Variants in CRYZ observed in about 807,000 individuals in gnomAD.
The protein encoded by CRYZ is zeta-crystallin.
Under a neutral mutation model 34.1 loss-of-function variants are expected in CRYZ, and 35 were observed. The observed-to-expected ratio is 1.03, with a 90% confidence interval of 0.78 to 1.36. CRYZ has a LOEUF of 1.36. Ranked by LOEUF, CRYZ falls within the 40% of genes most tolerant of loss-of-function variation. CRYZ has a pLI of 0.00. For synonymous variants in CRYZ, 137 were observed against 136.5 expected (o/e 1.00, Z -0.03); for missense variants, 403 against 391.8 (o/e 1.03, Z -0.24).
intron 6 of CRYZ, chr1:74,708,681 T>G (rs968732219): frequency 6.6e-6 from 1 of 151,990 alleles, no homozygotes; most frequent in African/African-American, 2.4e-5. Context: ...GGCGACCAGA[T>G]GAGTAGCAAT....
In CRYZ at chr1:74,719,211, G is replaced by A. The variant is rs750648473; in HGVS notation, c.426C>T (p.His142=). The A allele has an allele frequency of 5.6e-6, 9 of 1,613,444 alleles. No homozygotes were observed. The Admixed American group carries it at 1.3e-4, about 24-fold the overall frequency. Residue 142 remains histidine, a splice_region_variant and synonymous_variant, in exon 4 of 9, where the codon CAC becomes CAT. Coordinates refer to ENST00000340866, the MANE Select transcript of CRYZ (RefSeq NM_001889.4). ...AAATTGACAGAATGTGTTATTACCT[G>A]TGGATCAGAGCTCGATAAGCAGTAA... The part of the protein sequence containing the change: ...PYFTAYRALI[H]SACVKAGESV...
At chr1:74,706,560 T>G (rs1646932311) in intron 8 of CRYZ, 103 bp from the exon 9 acceptor site, 2 of 1,078,878 alleles carry the variant, frequency 1.9e-6, no homozygotes, top group Admixed American at 5.7e-5. Context: ...CCATGAAGAG[T>G]CTCTTACAAA....
intron 6 of CRYZ, among the ~76,000 whole-genome samples, chr1:74,709,733 T>C (rs906080197): frequency 6.6e-6 from 1 of 152,242 alleles, no homozygotes; most frequent in Admixed American, 6.5e-5. Context: ...TTTACAGATA[T>C]CTCACCTTCC....
chr1:74,723,130 T>G lies in CRYZ; in HGVS notation c.252A>C (p.Ala84=), dbSNP rs773365510. The stretch of plus-strand genomic sequence containing the variant: ...AAAAATGCAATACCTTGAAAGCAGA[T>G]GCATTATCTCCAACAGCTTCTATCA... ...AGVIEAVGDN[A]SAFKKGDRVF... is the part of the protein sequence containing the mutation. Residue 84 remains alanine (A), a synonymous_variant, in exon 3 of 9, where the codon GCA becomes GCC. Transcript: ENST00000340866. The G allele has an allele frequency of 1.7e-5, 28 of 1,610,892 alleles. No individual in the cohort carries two copies. Among genetic ancestry groups the G allele is most frequent in the Non-Finnish European group, 2.3e-5 (27 of 1,179,306 alleles).
At chr1:74,708,366 AAC>A (rs1331754910) in intron 6 of CRYZ, 9 of 151,992 alleles carry the variant, frequency 5.9e-5, no homozygotes, top group African/African-American at 2.2e-4. Flanking sequence ...TGCAGTAGGG[AAC>A]AGAGAGACAA....
intron 1 of CRYZ, among the ~76,000 whole-genome samples, chr1:74,730,090 ATAAAAG>A (rs1411572639): frequency 6.6e-6 from 1 of 152,196 alleles, no homozygotes; most frequent in Non-Finnish European, 1.5e-5. Flanking sequence ...TGTTGTAATA[ATAAAAG>A]TAAAATTACT....
chr1:74,713,203 T>TA lies in CRYZ; in HGVS notation c.480+1375dup, dbSNP rs796721957. ...TCAGAGAACAGTGTGGATTTTACCT[T>TA]AAAAAAAAATCATGGTGAAGCAACT... is the stretch of plus-strand genomic sequence containing the variant. On this transcript the variant is annotated intron_variant, in intron 5 of 8. Transcript: ENST00000340866. Among the ~76,000 whole-genome samples the TA allele has an allele frequency of 1.6e-3, 236 of 151,386 alleles. 2 individuals carry two copies. Among genetic ancestry groups the TA allele is most frequent in the African/African-American group, 5.1e-3 (209 of 41,268 alleles).
chr1:74,719,234 TA>T lies in CRYZ; in HGVS notation c.402del (p.Phe134LeufsTer7), dbSNP rs1221845740. ...CTGTGGATCAGAGCTCGATAAGCAG[TA>T]AAATATGGAATGCCGATGGCAGCTC... is the stretch of plus-strand genomic sequence containing the variant. The part of the protein sequence containing the change: ...KQGAAIGIPY[F>X]TAYRALIHSA... On this transcript the variant is annotated frameshift_variant, in exon 4 of 9. Transcript: ENST00000340866. LOFTEE classifies it high-confidence loss of function. 1.2e-6 allele frequency: 2 copies of T among 1,613,830 alleles called. No individual in the cohort carries two copies. The highest frequency in any genetic ancestry group is 1.7e-6 in the Non-Finnish European group (2 of 1,179,780).
At chr1:74,713,760 T>A (rs1040440088) in intron 5 of CRYZ, among the ~76,000 whole-genome samples, 2 of 152,198 alleles carry the variant, frequency 1.3e-5, no homozygotes, top group East Asian at 1.9e-4. Flanking sequence ...TCTGAAATGG[T>A]TAACAGCCTC....
At chr1:74,711,939 T>C (rs1287247119) in intron 5 of CRYZ, among the ~76,000 whole-genome samples, 1 of 151,994 alleles carries the variant, frequency 6.6e-6, no homozygotes. Context: ...AGGTGGAACA[T>C]GGTGGCTCAT....
Position 74,706,317 on chromosome 1 carries a change from T to A in CRYZ, c.969A>T (p.Gly323=), listed in dbSNP as rs7527057. ...ATCATCATAAGAGAAGAATCATTTT[T>A]CCAGTAGCCCCACTACCATGAATGA... The part of the protein sequence containing the change: ...ENIIHGSGAT[G]KMILLL Residue 323 remains glycine (G), a synonymous_variant, in exon 9 of 9, where the codon GGA becomes GGT. Coordinates refer to ENST00000340866, the MANE Select transcript of CRYZ (RefSeq NM_001889.4). The A allele has an allele frequency of 0.42, 672,590 of 1,600,874 alleles. 151,852 individuals carry two copies. The highest frequency in any genetic ancestry group is 0.47 in the Non-Finnish European group (555,934 of 1,174,548).
At chr1:74,727,711 A>C (rs1403025323) in intron 1 of CRYZ, among the ~76,000 whole-genome samples, 3 of 151,366 alleles carry the variant, frequency 2.0e-5, no homozygotes, top group Non-Finnish European at 4.4e-5. Flanking sequence ...AATAGCATGC[A>C]AAAGACCTGA....
At chr1:74,715,300 T>C (rs998946467) in intron 4 of CRYZ, among the ~76,000 whole-genome samples, 1 of 152,194 alleles carries the variant, frequency 6.6e-6, no homozygotes, top group Non-Finnish European at 1.5e-5. Context: ...ACTACTTTTC[T>C]AGTATGTACT....
chr1:74,725,329 A>G lies in CRYZ; in HGVS notation c.-13-495T>C, dbSNP rs372572423. ...AGGTTTAATGGACTTGCAGTTCCAC[A>G]TGGCTAGGGAGGTCTCACAATCATG... On this transcript the variant is annotated intron_variant, in intron 1 of 8. Transcript: ENST00000340866. Among the ~76,000 whole-genome samples the G allele has an allele frequency of 1.1e-3, 169 of 152,366 alleles. 3 individuals are homozygous for G. The highest frequency in any genetic ancestry group is 3.4e-3 in the Middle Eastern group (1 of 294).
chr1:74,711,192 C>T (rs2100697051), intron 5 of CRYZ, among the ~76,000 whole-genome samples: 1 of 152,262 alleles, frequency 6.6e-6, no homozygotes, highest in East Asian at 1.9e-4. Flanking sequence ...CACACAGAAT[C>T]TGAGGGGTGA....
intron 4 of CRYZ, among the ~76,000 whole-genome samples, chr1:74,717,416 A>G (rs1240782754): frequency 6.6e-6 from 1 of 152,078 alleles, no homozygotes; most frequent in Non-Finnish European, 1.5e-5. Context: ...AATGTCACCA[A>G]TGACCTCTTA....
At chr1:74,711,262 G>A (rs1435765182) in intron 5 of CRYZ, among the ~76,000 whole-genome samples, 2 of 152,190 alleles carry the variant, frequency 1.3e-5, no homozygotes, top group Non-Finnish European at 2.9e-5. Flanking sequence ...CTTAAGCCAG[G>A]AAATGATCTG....
rs997351964 is a variant in CRYZ at position 74,724,605 on chromosome 1, T to C, written c.111+106A>G. On this transcript the variant is annotated intron_variant, in intron 2 of 8. Transcript: ENST00000340866. The stretch of plus-strand genomic sequence containing the variant: ...ATACATAGTGTAAACTGCATCCTAA[T>C]TCAATGTTTTTAAAAATAATTGTGA... 1.1e-5 allele frequency: 8 copies of C among 711,840 alleles called. No individual in the cohort carries two copies. In the African/African-American group the frequency reaches 1.4e-4, roughly 13 times the overall value. The allele number at this position is 711,840 out of a possible 1,614,324, so 44.1% of individuals were successfully genotyped here. A position where few individuals can be genotyped will look rare whatever the true frequency, so the allele number is the denominator to read the frequency against.
intron 3 of CRYZ, 116 bp from the exon 4 acceptor site, chr1:74,719,488 C>T (rs1647125972): frequency 1.1e-6 from 1 of 912,514 alleles, no homozygotes; most frequent in Non-Finnish European, 1.6e-6. Flanking sequence ...TCTATAGGGT[C>T]TCATATAAAT....
Sources: gnomAD v4.1 joint callset for allele counts (sites outside exome capture counted in the v4.1 genomes callset) on GRCh38, gnomAD v4.1.1 for gene constraint, MANE v1.5 for transcripts, NCBI Gene and HGNC (gene_info 2026-07-23, HGNC 2026-07-21) for gene names.